ATRNL1: variants seen among roughly 807,000 people sequenced by gnomAD.
ATRNL1 encodes attractin-like protein 1.
ATRNL1 carries 95 observed loss-of-function variants against 182.7 expected under a neutral mutation model. The observed-to-expected ratio is 0.52, with a 90% CI of 0.44 to 0.62. The LOEUF (loss-of-function observed/expected upper bound fraction) is 0.62. Among genes scored for constraint, ATRNL1 ranks in the 20% least tolerant of loss-of-function variants. ATRNL1 has a pLI of 0.00. For synonymous variants in ATRNL1, 576 were observed against 568.3 expected, an observed-to-expected ratio of 1.01 and a Z score of -0.19; for missense variants, 1,471 against 1,679.5, an observed-to-expected ratio of 0.88 and a Z score of 2.17.
At chr10:115,657,003 T>C (rs1276089994) in intron 26 of ATRNL1, among the ~76,000 whole-genome samples, 1 of 152,176 alleles carries the variant, frequency 6.6e-6, no homozygotes, top group African/African-American at 2.4e-5. Flanking sequence ...TAATTAGAAA[T>C]ATACCAGAGG....
At chr10:115,931,983 T>C (rs1321039525) in intron 28 of ATRNL1, among the ~76,000 whole-genome samples, 1 of 152,212 alleles carries the variant, frequency 6.6e-6, no homozygotes, top group East Asian at 1.9e-4. Context: ...CAGATCACTC[T>C]GAAGTCTGTT....
chr10:115,144,246 T>A, intron 5 of ATRNL1, among the ~76,000 whole-genome samples: 1 of 151,958 alleles, frequency 6.6e-6, no homozygotes, highest in East Asian at 1.9e-4. Context: ...CTCCTGGGTT[T>A]ACGCTATTCT....
intron 5 of ATRNL1, among the ~76,000 whole-genome samples, chr10:115,159,160 A>G (rs1846660453): frequency 6.6e-6 from 1 of 151,534 alleles, no homozygotes; most frequent in African/African-American, 2.4e-5. Context: ...ATTTACTTAT[A>G]TATAATTTAT....
At chr10:115,626,848 A>G (rs1858136719) in intron 26 of ATRNL1, among the ~76,000 whole-genome samples, 1 of 152,180 alleles carries the variant, frequency 6.6e-6, no homozygotes, top group Non-Finnish European at 1.5e-5. Flanking sequence ...GCCATTTCCT[A>G]ATGCAGAAAT....
At chr10:115,553,818 G>T (rs1194752560) in intron 26 of ATRNL1, among the ~76,000 whole-genome samples, 1 of 151,316 alleles carries the variant, frequency 6.6e-6, no homozygotes, top group African/African-American at 2.4e-5. Flanking sequence ...ACATTTTATG[G>T]TGTATAAACC....
intron 10 of ATRNL1, among the ~76,000 whole-genome samples, chr10:115,257,221 A>C (rs1220571550): frequency 6.6e-6 from 1 of 152,180 alleles, no homozygotes; most frequent in Non-Finnish European, 1.5e-5. Context: ...TAATGTTGAC[A>C]GTGGGGTTTT....
At chr10:115,777,870 A>G (rs1555078349) in intron 27 of ATRNL1, among the ~76,000 whole-genome samples, 4 of 152,236 alleles carry the variant, frequency 2.6e-5, no homozygotes, top group Non-Finnish European at 5.9e-5. Flanking sequence ...TGAATAATAT[A>G]GATAATATGA....
At chr10:115,676,901 G>GT (rs1211293375) in intron 26 of ATRNL1, among the ~76,000 whole-genome samples, 4 of 152,014 alleles carry the variant, frequency 2.6e-5, no homozygotes, top group Non-Finnish European at 4.4e-5. Flanking sequence ...CTGAGTTTGT[G>GT]TTTTTTCTGC....
chr10:115,367,124 G>T (rs1857088869), intron 19 of ATRNL1, among the ~76,000 whole-genome samples: 1 of 88,220 alleles, frequency 1.1e-5, no homozygotes, highest in Non-Finnish European at 2.6e-5. Flanking sequence ...TTTCCAACTT[G>T]GTTCCATTCT....
intron 24 of ATRNL1, among the ~76,000 whole-genome samples, chr10:115,481,666 C>T (rs932545885): frequency 7.3e-5 from 11 of 150,638 alleles, no homozygotes; most frequent in African/African-American, 2.7e-4. Context: ...TAAGGCTGAA[C>T]ATTTTTCTAT....
intron 27 of ATRNL1, among the ~76,000 whole-genome samples, chr10:115,800,861 C>T (rs1949775470): frequency 6.6e-6 from 1 of 152,044 alleles, no homozygotes; most frequent in Non-Finnish European, 1.5e-5. Context: ...ACTTCCCAGC[C>T]TCCGGAACTA....
At chr10:115,457,480 C>A (rs975970523) in intron 21 of ATRNL1, among the ~76,000 whole-genome samples, 3 of 151,980 alleles carry the variant, frequency 2.0e-5, no homozygotes, top group Admixed American at 6.6e-5. Flanking sequence ...TCACCGGGGA[C>A]CTGTCCCTGT....
chr10:115,336,823 C>A (rs533082569), intron 19 of ATRNL1, among the ~76,000 whole-genome samples: 7 of 151,906 alleles, frequency 4.6e-5, no homozygotes, highest in African/African-American at 1.7e-4. Context: ...TAACTATGTA[C>A]AGTGTTGTGC....
At chr10:115,723,023 A>G (rs1947478998) in intron 26 of ATRNL1, among the ~76,000 whole-genome samples, 1 of 152,180 alleles carries the variant, frequency 6.6e-6, no homozygotes. Flanking sequence ...TATTTTATTC[A>G]CTCATTCATT....
intron 25 of ATRNL1, among the ~76,000 whole-genome samples, chr10:115,543,100 T>G (rs547039816): frequency 2.5e-4 from 38 of 152,308 alleles, no homozygotes; most frequent in African/African-American, 8.9e-4. Flanking sequence ...TTCATGTAGA[T>G]CTCTTCTTTA....
At position 115,165,596 on chromosome 10, in the gene ATRNL1, C is replaced by G; in HGVS notation, c.1043C>G (p.Pro348Arg). Residue 348 changes from proline (P) to arginine (R), a missense_variant, in exon 7 of 29, where the codon CCA becomes CGA. Pro to Arg is a moderately radical substitution (Grantham distance 103). Transcript: ENST00000355044. ...AGCAGTATATGGAATGTAGGAACTC[C>G]ATCAAGGGGACCTCTCCAGAGATAT... ...LESSIWNVGTPSRGPLQRYGH... is the reference protein window; with the variant it reads ...LESSIWNVGTRSRGPLQRYGH... The G allele has an allele frequency of 6.5e-7, 1 of 1,543,374 alleles. No homozygotes were observed. Among genetic ancestry groups the G allele is most frequent in the Non-Finnish European group, 8.8e-7 (1 of 1,135,666 alleles).
intron 26 of ATRNL1, among the ~76,000 whole-genome samples, chr10:115,664,557 A>C (rs1555039130): frequency 6.6e-6 from 1 of 152,174 alleles, no homozygotes; most frequent in East Asian, 1.9e-4. Flanking sequence ...ACTTTGAAAC[A>C]ATTAAATGTT....
At chr10:115,740,043 C>A (rs1380668852) in intron 27 of ATRNL1, among the ~76,000 whole-genome samples, 1 of 152,006 alleles carries the variant, frequency 6.6e-6, no homozygotes, top group Non-Finnish European at 1.5e-5. Flanking sequence ...AAGTGAAATA[C>A]CAGATATTCA....
intron 8 of ATRNL1, among the ~76,000 whole-genome samples, chr10:115,184,368 A>C (rs1554888369): frequency 2.6e-5 from 4 of 151,474 alleles, no homozygotes; most frequent in Non-Finnish European, 5.9e-5. Context: ...ATATATACAC[A>C]CACATAAACA....
Sources: gnomAD v4.1 joint callset for allele counts (sites outside exome capture counted in the v4.1 genomes callset) on GRCh38, gnomAD v4.1.1 for gene constraint, MANE v1.5 for transcripts, NCBI Gene and HGNC (gene_info 2026-07-23, HGNC 2026-07-21) for gene names.